Variants in SHTN1 observed in about 807,000 individuals in gnomAD.
SHTN1 encodes the protein shootin 1, also known as shootin-1.
A neutral mutation model predicts 83.1 loss-of-function variants in SHTN1; 42 were observed. The observed-to-expected ratio is 0.51, with a 90% CI of 0.39 to 0.65. The LOEUF (loss-of-function observed/expected upper bound fraction) is 0.65, where lower values mean the gene tolerates loss of function less well. SHTN1 is among the 30% of genes least tolerant of loss of function. The pLI, the probability that SHTN1 is intolerant of heterozygous loss-of-function variation, is 0.00. For missense variants in SHTN1, 622 were observed against 737.8 expected (o/e 0.84, Z 1.82); for synonymous variants, 224 against 247.7 (o/e 0.90, Z 0.90).
rs1219788880 is a variant in SHTN1, at chr10:116,951,947, C to G, written c.496G>C (p.Glu166Gln). The change falls in exon 6 of 17, where the codon GAA (glutamate) becomes CAA (glutamine). Residue 166 changes from glutamate to glutamine, a missense_variant. Transcript: ENST00000355371. Reference sequence around the variant, plus strand: ...TCTACGAGTTTGCTCTTGAGATTTTCCAGCTCAATGGCTAAAATCTTCTTT... The same window carrying G: ...TCTACGAGTTTGCTCTTGAGATTTTGCAGCTCAATGGCTAAAATCTTCTTT... ...EEKKILAIEL[E>Q]NLKSKLVEVI... is the part of the protein sequence containing the mutation. 5.6e-6 allele frequency: 9 copies of G among 1,598,316 alleles called. No individual in the cohort carries two copies. In the African/African-American group the frequency reaches 1.2e-4, roughly 21 times the overall value.
At chr10:116,905,558 G>C (rs1353204052) in intron 15 of SHTN1, among the ~76,000 whole-genome samples, 2 of 151,948 alleles carry the variant, frequency 1.3e-5, no homozygotes, top group Non-Finnish European at 2.9e-5. Context: ...AAGCCACTTT[G>C]GGTTCAAGGA....
At chr10:116,942,484 A>G (rs1428175110) in intron 8 of SHTN1, among the ~76,000 whole-genome samples, 2 of 152,170 alleles carry the variant, frequency 1.3e-5, no homozygotes, top group Non-Finnish European at 2.9e-5. Context: ...AAGTGCTTGG[A>G]TTACAGACGT....
At position 116,940,413 on chromosome 10, in the gene SHTN1, G is replaced by A. The variant is rs533793411; in HGVS notation, c.858+53C>T. On this transcript the variant is annotated intron_variant, in intron 9 of 16. Coordinates refer to ENST00000355371, the MANE Select transcript of SHTN1 (RefSeq NM_001127211.3). ...GGCTCCCTTCATCTTAAATATATGT[G>A]TGTATGCATGTATGTGTGTGTGTAC... The A allele has an allele frequency of 3.0e-5, 47 of 1,553,298 alleles. No homozygotes were observed. The African/African-American group carries it at 6.3e-4, about 21-fold the overall frequency.
intron 1 of SHTN1, among the ~76,000 whole-genome samples, chr10:117,065,739 A>T (rs1172523200): frequency 1.6e-4 from 1 of 6,286 alleles, no homozygotes; most frequent in African/African-American, 3.0e-4. Flanking sequence ...AAAGAAAGAA[A>T]GAAAGAAAGA....
chr10:117,044,822 C>T (rs373189054), intron 2 of SHTN1, among the ~76,000 whole-genome samples: 51 of 151,946 alleles, frequency 3.4e-4, no homozygotes, highest in African/African-American at 1.1e-3. Context: ...TTCATTGTTG[C>T]CTTATAACAT....
chr10:117,104,732 CCACTG>C (rs1464200728), intron 1 of SHTN1, among the ~76,000 whole-genome samples: 2 of 152,316 alleles, frequency 1.3e-5, no homozygotes, highest in East Asian at 3.9e-4. Flanking sequence ...CGAGATCGCG[CCACTG>C]CACTGCAGCC....
intron 1 of SHTN1, among the ~76,000 whole-genome samples, chr10:116,986,820 C>G (rs1420510844): frequency 6.8e-6 from 1 of 147,880 alleles, no homozygotes; most frequent in Non-Finnish European, 1.5e-5. Flanking sequence ...CTTCTGCCTT[C>G]CGGGTTCAAG....
At chr10:117,049,519 G>A (rs1242542812) in intron 1 of SHTN1, among the ~76,000 whole-genome samples, 3 of 152,216 alleles carry the variant, frequency 2.0e-5, no homozygotes, top group Non-Finnish European at 4.4e-5. Context: ...GAGCCATAAA[G>A]AGAAGGAGTA....
At chr10:117,068,622 AAAAAG>A (rs1158463274) in intron 1 of SHTN1, among the ~76,000 whole-genome samples, 2 of 151,788 alleles carry the variant, frequency 1.3e-5, no homozygotes, top group Admixed American at 6.6e-5. Flanking sequence ...TGAAAAAAAA[AAAAAG>A]AGTCATCAAT....
At chr10:116,906,903 T>C (rs1242921625) in intron 14 of SHTN1, among the ~76,000 whole-genome samples, 156 bp from the exon 15 acceptor site, 2 of 152,230 alleles carry the variant, frequency 1.3e-5, no homozygotes, top group Non-Finnish European at 2.9e-5. Flanking sequence ...AATGTGCACA[T>C]TTTCAACAAG....
chr10:116,978,743 C>T lies in SHTN1; in HGVS notation c.111+513G>A, dbSNP rs545527504. 5.9e-5 allele frequency among the ~76,000 whole-genome samples: 9 copies of T among 152,254 alleles called. 1 individual carries two copies. The East Asian group carries it at 1.7e-3, about 29-fold the overall frequency. The stretch of plus-strand genomic sequence containing the variant: ...CTGACAGAACCCCTGAAAATATTCA[C>T]CAGACTTCCCCACCTTCACAGTGGA... On this transcript the variant is annotated intron_variant, in intron 2 of 16. Transcript: ENST00000355371.
At chr10:117,005,339 G>A (rs1232113576), upstream of SHTN1, 8 of 1,298,350 alleles carry the variant, frequency 6.2e-6, no homozygotes, top group African/African-American at 1.1e-4. Flanking sequence ...AGGAACGAGG[G>A]CGGGTCGGCA....
chr10:117,034,713 T>C (rs1852471161), intron 2 of SHTN1, among the ~76,000 whole-genome samples: 1 of 149,882 alleles, frequency 6.7e-6, no homozygotes, highest in South Asian at 2.1e-4. Context: ...TTAAGAGAAA[T>C]AAAAAAGTAA....
At chr10:117,029,869 CCTCT>C (rs1176548531) in intron 2 of SHTN1, among the ~76,000 whole-genome samples, 16 of 149,598 alleles carry the variant, frequency 1.1e-4, no homozygotes, top group Admixed American at 5.4e-4. Context: ...TCCCTCCCTC[CCTCT>C]CTCTCTGTCT....
At chr10:117,121,157 G>GT (rs1372681205) in intron 1 of SHTN1, among the ~76,000 whole-genome samples, 15 of 151,960 alleles carry the variant, frequency 9.9e-5, no homozygotes, top group African/African-American at 3.4e-4. Flanking sequence ...CCAAAACTAT[G>GT]TATCTATTAT....
At chr10:116,894,730 C>A (rs1233553842) in intron 16 of SHTN1, among the ~76,000 whole-genome samples, 1 of 152,076 alleles carries the variant, frequency 6.6e-6, no homozygotes, top group Non-Finnish European at 1.5e-5. Context: ...TGTCTAATTG[C>A]AACTGTTAGG....
chr10:116,917,669 CAGAT>C (rs1272896180), intron 12 of SHTN1, among the ~76,000 whole-genome samples: 1 of 152,160 alleles, frequency 6.6e-6, no homozygotes, highest in Admixed American at 6.5e-5. Context: ...TTAAGGCAGA[CAGAT>C]GGAGAATTAT....
intron 3 of SHTN1, among the ~76,000 whole-genome samples, chr10:116,963,520 A>C (rs1850280991): frequency 6.6e-6 from 1 of 152,182 alleles, no homozygotes; most frequent in South Asian, 2.1e-4. Context: ...AAAAAGAAAA[A>C]AGATGAACTT....
chr10:117,025,162 C>A (rs573596255), intron 2 of SHTN1, among the ~76,000 whole-genome samples: 1 of 152,292 alleles, frequency 6.6e-6, no homozygotes, highest in South Asian at 2.1e-4. Context: ...AAAAGAGGCA[C>A]TGGAGAGGTA....
Sources: gnomAD v4.1 joint callset for allele counts (sites outside exome capture counted in the v4.1 genomes callset) on GRCh38, gnomAD v4.1.1 for gene constraint, MANE v1.5 for transcripts, NCBI Gene and HGNC (gene_info 2026-07-23, HGNC 2026-07-21) for gene names.